Variants in OSBPL6 observed in about 807,000 individuals in gnomAD.
The protein encoded by OSBPL6 is oxysterol binding protein like 6.
In OSBPL6, 49 loss-of-function variants were observed where a neutral mutation model predicts 125.8. That is an observed-to-expected ratio of 0.39 (90% confidence interval 0.31 to 0.49). OSBPL6 has a LOEUF of 0.49. OSBPL6 is among the 20% of genes least tolerant of loss of function. The pLI is 0.88. For missense variants in OSBPL6, 986 were observed against 1,135.4 expected (o/e 0.87, Z 1.89); for synonymous variants, 394 against 391.8 (o/e 1.01, Z -0.07).
chr2:178,312,157 AT>A (rs67156772), intron 3 of OSBPL6, among the ~76,000 whole-genome samples: 53,987 of 100,992 alleles, frequency 0.53, 14,387 homozygotes, highest in Admixed American at 0.64. Flanking sequence ...GATTTTTGTA[AT>A]TTTTTTTTTT....
intron 2 of OSBPL6, among the ~76,000 whole-genome samples, chr2:178,301,995 G>C: frequency 6.6e-6 from 1 of 152,212 alleles, no homozygotes. Flanking sequence ...TTTGGGGCTT[G>C]GTTGTGACTC....
At chr2:178,309,362 T>C (rs1328475803) in intron 3 of OSBPL6, among the ~76,000 whole-genome samples, 2 of 152,254 alleles carry the variant, frequency 1.3e-5, no homozygotes, top group East Asian at 3.8e-4. Flanking sequence ...AATGTTTTAA[T>C]ATATCCTGGA....
chr2:178,370,349 C>A (rs1403884520), intron 13 of OSBPL6, among the ~76,000 whole-genome samples: 1 of 152,126 alleles, frequency 6.6e-6, no homozygotes. Flanking sequence ...TACATGACAC[C>A]AAAGCATATC....
At chr2:178,292,351 G>A (rs1171233816) in intron 2 of OSBPL6, among the ~76,000 whole-genome samples, 2 of 152,082 alleles carry the variant, frequency 1.3e-5, no homozygotes, top group East Asian at 1.9e-4. Context: ...AATGATTAAT[G>A]ACAGGAACTA....
At chr2:178,288,851 T>C (rs1020143081) in intron 2 of OSBPL6, among the ~76,000 whole-genome samples, 20 of 151,902 alleles carry the variant, frequency 1.3e-4, no homozygotes, top group Non-Finnish European at 2.5e-4. Context: ...GGTTTCACCA[T>C]GTTGGCCAGG....
chr2:178,385,631 AAATGTTAGT>A, intron 19 of OSBPL6, 110 bp downstream of exon 19: 1 of 804,818 alleles, frequency 1.2e-6, no homozygotes, highest in Non-Finnish European at 2.0e-6. Context: ...GGAACTCAGC[AAATGTTAGT>A]AATTGGTGCA....
At chr2:178,284,150 A>G (rs926928621) in intron 1 of OSBPL6, among the ~76,000 whole-genome samples, 5 of 152,192 alleles carry the variant, frequency 3.3e-5, no homozygotes, top group African/African-American at 1.2e-4. Context: ...GTTTGGCTAC[A>G]GTTCTCTTCT....
At chr2:178,202,102 A>G (rs1342412278) in intron 1 of OSBPL6, among the ~76,000 whole-genome samples, 1 of 152,202 alleles carries the variant, frequency 6.6e-6, no homozygotes, top group Non-Finnish European at 1.5e-5. Flanking sequence ...TATTGTTGTC[A>G]TATTTATGTA....
At chr2:178,220,555 C>T (rs1048217134) in intron 1 of OSBPL6, among the ~76,000 whole-genome samples, 1 of 152,198 alleles carries the variant, frequency 6.6e-6, no homozygotes, top group Non-Finnish European at 1.5e-5. Context: ...ACCCATCTGC[C>T]TCAGCTTCCC....
intron 1 of OSBPL6, among the ~76,000 whole-genome samples, chr2:178,270,838 C>A (rs2092360477): frequency 6.6e-6 from 1 of 152,104 alleles, no homozygotes; most frequent in Non-Finnish European, 1.5e-5. Flanking sequence ...CAGTACTAGG[C>A]CCTGAACACC....
intron 2 of OSBPL6, among the ~76,000 whole-genome samples, chr2:178,298,691 G>GTTGTTT (rs1685978421): frequency 7.0e-6 from 1 of 142,040 alleles, no homozygotes; most frequent in African/African-American, 2.8e-5. Flanking sequence ...CCTATTTTTA[G>GTTGTTT]TTGCTTTTTT....
At chr2:178,200,654 T>A (rs1190318179) in intron 1 of OSBPL6, among the ~76,000 whole-genome samples, 1 of 152,164 alleles carries the variant, frequency 6.6e-6, no homozygotes, top group Admixed American at 6.5e-5. Context: ...AGTAATATAT[T>A]TTTGAGGATG....
chr2:178,290,277 T>C (rs1685120812), intron 2 of OSBPL6, among the ~76,000 whole-genome samples: 1 of 152,222 alleles, frequency 6.6e-6, no homozygotes. Flanking sequence ...TCCCTAGTAA[T>C]TGACAATATC....
chr2:178,386,112 C>T (rs1490543116), intron 19 of OSBPL6, among the ~76,000 whole-genome samples: 10 of 152,156 alleles, frequency 6.6e-5, no homozygotes, highest in African/African-American at 2.2e-4. Flanking sequence ...ATAGTTCCTT[C>T]GTGTTTGGAA....
intron 3 of OSBPL6, among the ~76,000 whole-genome samples, chr2:178,320,842 A>G (rs1688174110): frequency 6.6e-6 from 1 of 152,202 alleles, no homozygotes; most frequent in South Asian, 2.1e-4. Flanking sequence ...CAAAAGTTCT[A>G]TCCTATTGGA....
intron 1 of OSBPL6, among the ~76,000 whole-genome samples, chr2:178,212,301 T>C (rs1325717665): frequency 6.6e-6 from 1 of 152,208 alleles, no homozygotes. Context: ...CCGAGTTCTT[T>C]TAGTCACTGA....
intron 15 of OSBPL6, among the ~76,000 whole-genome samples, chr2:178,376,171 C>T (rs950740610): frequency 6.6e-6 from 1 of 152,078 alleles, no homozygotes; most frequent in African/African-American, 2.4e-5. Flanking sequence ...GCATAACCAG[C>T]TACCTGTTAG....
chr2:178,325,552 C>G (rs1457941112), intron 4 of OSBPL6, among the ~76,000 whole-genome samples: 1 of 152,106 alleles, frequency 6.6e-6, no homozygotes, highest in Non-Finnish European at 1.5e-5. Context: ...CTAGTAATCT[C>G]TTTGAAATAG....
At chr2:178,344,773 T>G (rs960294123) in intron 11 of OSBPL6, among the ~76,000 whole-genome samples, 1 of 152,266 alleles carries the variant, frequency 6.6e-6, no homozygotes, top group Non-Finnish European at 1.5e-5. Context: ...CTTTTTTTTG[T>G]AGCAGTGTGA....
Sources: allele counts gnomAD v4.1 joint callset (sites outside exome capture counted in the v4.1 genomes callset), GRCh38; gene constraint gnomAD v4.1.1; transcripts MANE v1.5; gene names NCBI Gene and HGNC (gene_info 2026-07-23, HGNC 2026-07-21).